LGSN: variants seen among roughly 807,000 people sequenced by gnomAD.
LGSN encodes lengsin.
A neutral mutation model predicts 19.5 loss-of-function variants in LGSN; 21 were observed. That is an observed-to-expected ratio of 1.07 (90% CI 0.76 to 1.55). LGSN has a LOEUF of 1.55. LGSN is among the 40% of genes most tolerant of loss of function. LGSN has a pLI of 0.00. For synonymous variants in LGSN, 257 were observed against 215.6 expected, an observed-to-expected ratio of 1.19 and a Z score of -1.68; for missense variants, 673 against 608.5, an observed-to-expected ratio of 1.11 and a Z score of -1.12.
the LGSN span, among the ~76,000 whole-genome samples, chr6:63,539,465 C>T: frequency 3.3e-5 from 5 of 152,140 alleles, no homozygotes; most frequent in Non-Finnish European, 2.9e-5. Context: ...CAACAAGGAA[C>T]AGGAAATCTA....
At chr6:63,485,361 T>C in the LGSN span, among the ~76,000 whole-genome samples, 1 of 152,232 alleles carries the variant, frequency 6.6e-6, no homozygotes, top group Non-Finnish European at 1.5e-5. Context: ...GCAAAGGACA[T>C]GATCTCATTC....
the LGSN span, among the ~76,000 whole-genome samples, chr6:63,503,709 G>A: frequency 6.6e-6 from 1 of 152,146 alleles, no homozygotes; most frequent in Non-Finnish European, 1.5e-5. Context: ...GAGCCCAGGA[G>A]TTTGAGACCA....
chr6:63,285,551 T>C, intron 3 of LGSN, 36 bp downstream of exon 3: 11 of 1,542,854 alleles, frequency 7.1e-6, no homozygotes, highest in Non-Finnish European at 8.9e-6. Context: ...CTAATGGTCA[T>C]GAAATTACAT....
chr6:63,529,177 G>GTATATATATGTGTGTATATATATATATA, the LGSN span, among the ~76,000 whole-genome samples: 1 of 142,300 alleles, frequency 7.0e-6, no homozygotes, highest in African/African-American at 2.6e-5. Flanking sequence ...ATATATATAT[G>GTATATATATGTGTGTATATATATATATA]TATATATATG....
chr6:63,537,270 G>A, the LGSN span, among the ~76,000 whole-genome samples: 1 of 152,304 alleles, frequency 6.6e-6, no homozygotes, highest in African/African-American at 2.4e-5. Context: ...TTGTTAGAAT[G>A]CAAATCATCA....
chr6:63,407,031 T>C, the LGSN span, among the ~76,000 whole-genome samples: 8 of 152,128 alleles, frequency 5.3e-5, no homozygotes, highest in Non-Finnish European at 1.0e-4. Context: ...ATTGAGGCAA[T>C]AATCAATAGC....
At chr6:63,418,419 A>G in the LGSN span, among the ~76,000 whole-genome samples, 12 of 151,908 alleles carry the variant, frequency 7.9e-5, no homozygotes, top group Non-Finnish European at 1.2e-4. Context: ...AAATTAGCTG[A>G]GCGTGTTGGT....
chr6:63,297,049 G>A (rs1025797628), intron 1 of LGSN, among the ~76,000 whole-genome samples: 1 of 151,624 alleles, frequency 6.6e-6, no homozygotes, highest in African/African-American at 2.4e-5. Context: ...ACCAATAAGA[G>A]CCCAAAAACT....
Position 63,295,150 on chromosome 6 carries a change from A to G in LGSN, c.31-105T>C. The G allele has an allele frequency of 4.9e-6, 5 of 1,026,982 alleles. No homozygotes were observed. The South Asian group carries it at 5.9e-5, about 12-fold the overall frequency. 63.6% of individuals were successfully genotyped at this position (1,026,982 alleles called of 1,614,324 possible). A position where few individuals can be genotyped will look rare whatever the true frequency, so the allele number is the denominator to read the frequency against. ...AATAGCTCAATTTTTTAATGAGCATAGAAGACTTTTATAATGATGAAAATT... is the reference window on the plus strand; with the variant it reads ...AATAGCTCAATTTTTTAATGAGCATGGAAGACTTTTATAATGATGAAAATT... On this transcript the variant is annotated intron_variant, in intron 1 of 3. Coordinates refer to ENST00000370657, the MANE Select transcript of LGSN (RefSeq NM_016571.3).
the LGSN span, among the ~76,000 whole-genome samples, chr6:63,421,946 G>C: frequency 2.0e-5 from 3 of 152,064 alleles, no homozygotes; most frequent in East Asian, 5.8e-4. Flanking sequence ...TGACAAAAAA[G>C]ATATGAACAT....
At chr6:63,520,436 G>A in the LGSN span, among the ~76,000 whole-genome samples, 1 of 152,176 alleles carries the variant, frequency 6.6e-6, no homozygotes, top group South Asian at 2.1e-4. Flanking sequence ...AGACCAGCCT[G>A]GCCAATGTGG....
chr6:63,339,888 T>G, the LGSN span, among the ~76,000 whole-genome samples: 1 of 152,190 alleles, frequency 6.6e-6, no homozygotes, highest in Non-Finnish European at 1.5e-5. Flanking sequence ...TGATGTCAGA[T>G]AGCATTTATT....
At chr6:63,496,799 C>T in the LGSN span, among the ~76,000 whole-genome samples, 1 of 151,796 alleles carries the variant, frequency 6.6e-6, no homozygotes, top group Non-Finnish European at 1.5e-5. Context: ...ACTATCATCC[C>T]TACTTTATAG....
At chr6:63,455,439 C>A in the LGSN span, among the ~76,000 whole-genome samples, 70,352 of 152,032 alleles carry the variant, frequency 0.46, 18,108 homozygotes, top group Non-Finnish European at 0.56. Flanking sequence ...CTTAGAAATC[C>A]CCTCTTCTTT....
the LGSN span, among the ~76,000 whole-genome samples, chr6:63,545,382 G>A: frequency 6.6e-6 from 1 of 152,212 alleles, no homozygotes; most frequent in African/African-American, 2.4e-5. Context: ...GGCGGAGGCA[G>A]ATGGATCACC....
At chr6:63,341,906 A>G in the LGSN span, among the ~76,000 whole-genome samples, 37 of 152,274 alleles carry the variant, frequency 2.4e-4, no homozygotes, top group African/African-American at 8.9e-4. Flanking sequence ...CTAAGCATAG[A>G]TGTGTGTCCT....
the LGSN span, among the ~76,000 whole-genome samples, chr6:63,458,336 G>C: frequency 2.0e-5 from 3 of 152,176 alleles, no homozygotes; most frequent in Non-Finnish European, 4.4e-5. Flanking sequence ...CAAAGTGCTG[G>C]AATTGCAGGC....
At chr6:63,393,319 G>A in the LGSN span, among the ~76,000 whole-genome samples, 1 of 151,924 alleles carries the variant, frequency 6.6e-6, no homozygotes, top group African/African-American at 2.4e-5. Flanking sequence ...TGAGATTACA[G>A]GTGTGTGCCA....
At chr6:63,442,251 A>G in the LGSN span, among the ~76,000 whole-genome samples, 21 of 152,198 alleles carry the variant, frequency 1.4e-4, no homozygotes, top group Non-Finnish European at 2.9e-4. Context: ...TAGCTCATAA[A>G]GGCGGCGTAG....
Sources: gnomAD v4.1 joint callset for allele counts (sites outside exome capture counted in the v4.1 genomes callset) on GRCh38, gnomAD v4.1.1 for gene constraint, MANE v1.5 for transcripts, NCBI Gene and HGNC (gene_info 2026-07-23, HGNC 2026-07-21) for gene names.